The following CTNNA3 variants were observed in gnomAD, a reference collection of about 807,000 sequenced individuals.
CTNNA3 encodes the protein catenin alpha 3, also known as catenin alpha-3.
Under a neutral mutation model 95.7 loss-of-function variants are expected in CTNNA3, and 76 were observed. That is an observed-to-expected ratio of 0.79 (90% CI 0.66 to 0.96). The LOEUF (loss-of-function observed/expected upper bound fraction) is 0.96, where lower values mean the gene tolerates loss of function less well. CTNNA3 is among the 40% of genes least tolerant of loss of function. The pLI, the probability that CTNNA3 is intolerant of heterozygous loss-of-function variation, is 0.00. For missense variants in CTNNA3, 1,191 were observed against 1,089.8 expected (o/e 1.09, Z -1.31); for synonymous variants, 431 against 374.4 (o/e 1.15, Z -1.74).
intron 9 of CTNNA3, among the ~76,000 whole-genome samples, chr10:66,645,744 G>T (rs184310015): frequency 3.0e-4 from 45 of 152,202 alleles, no homozygotes; most frequent in African/African-American, 9.9e-4. Context: ...AGAAATCTAG[G>T]TTGCACGTCC....
At chr10:67,008,344 G>A (rs533348177) in intron 7 of CTNNA3, among the ~76,000 whole-genome samples, 22 of 151,684 alleles carry the variant, frequency 1.5e-4, no homozygotes, top group African/African-American at 2.2e-4. Context: ...TTTAATTTTC[G>A]TTCTGAATTT....
At chr10:66,416,318 A>G (rs2093145570) in intron 11 of CTNNA3, among the ~76,000 whole-genome samples, 1 of 152,084 alleles carries the variant, frequency 6.6e-6, no homozygotes, top group African/African-American at 2.4e-5. Flanking sequence ...GACAGAAAAA[A>G]AAGTGATAAA....
intron 12 of CTNNA3, among the ~76,000 whole-genome samples, chr10:66,360,619 C>CTTTCT (rs2092648696): frequency 3.1e-5 from 1 of 32,566 alleles, no homozygotes; most frequent in Non-Finnish European, 6.6e-5. Flanking sequence ...TTCTTTCTTT[C>CTTTCT]TTTCTTTCTT....
intron 13 of CTNNA3, among the ~76,000 whole-genome samples, chr10:66,123,808 G>A (rs190731313): frequency 8.9e-4 from 136 of 152,250 alleles, no homozygotes; most frequent in African/African-American, 3.2e-3. Context: ...GCCCAAGCTC[G>A]ACATTTGCCC....
intron 5 of CTNNA3, among the ~76,000 whole-genome samples, chr10:67,364,692 G>A (rs925515934): frequency 2.0e-5 from 3 of 152,058 alleles, no homozygotes; most frequent in African/African-American, 4.8e-5. Context: ...TCTTCAAGGA[G>A]AACTACAAAC....
At chr10:66,282,383 C>G (rs2091508649) in intron 12 of CTNNA3, among the ~76,000 whole-genome samples, 1 of 151,806 alleles carries the variant, frequency 6.6e-6, no homozygotes, top group East Asian at 1.9e-4. Flanking sequence ...ACATCTCAAA[C>G]ATATTCTATC....
At chr10:66,619,622 T>G (rs1221141382) in intron 10 of CTNNA3, among the ~76,000 whole-genome samples, 3 of 143,434 alleles carry the variant, frequency 2.1e-5, no homozygotes, top group South Asian at 2.4e-4. Context: ...AAATGACGAG[T>G]TAATGGGTGC....
At chr10:65,968,487 C>T (rs1199211283) in intron 16 of CTNNA3, among the ~76,000 whole-genome samples, 1 of 152,206 alleles carries the variant, frequency 6.6e-6, no homozygotes, top group Non-Finnish European at 1.5e-5. Context: ...CTCTTTGCTC[C>T]ATACCCAGGC....
chr10:67,741,151 G>T (rs1841335328), intron 1 of CTNNA3, among the ~76,000 whole-genome samples: 1 of 150,738 alleles, frequency 6.6e-6, no homozygotes, highest in Non-Finnish European at 1.5e-5. Flanking sequence ...ACACTCTGGG[G>T]ACTGTTGTGG....
chr10:65,966,898 T>C (rs2077979719), intron 16 of CTNNA3, 152 bp from the exon 17 acceptor site: 1 of 510,642 alleles, frequency 2.0e-6, no homozygotes, highest in African/African-American at 1.9e-5. Context: ...GCTTCTACCA[T>C]TTACAATAGT....
chr10:66,120,732 C>T (rs2082540546), intron 13 of CTNNA3, among the ~76,000 whole-genome samples: 1 of 152,130 alleles, frequency 6.6e-6, no homozygotes, highest in South Asian at 2.1e-4. Flanking sequence ...TAAGAAGTAA[C>T]TTTTAGAGAA....
rs144459171 is a variant in CTNNA3 at position 66,200,660 on chromosome 10, C to T, written c.1884+79810G>A. 3.1e-4 allele frequency among the ~76,000 whole-genome samples: 47 copies of T among 152,266 alleles called. 1 individual carries two copies. In the East Asian group the frequency reaches 5.0e-3, roughly 16 times the overall value. ...TGATGTAATTTCTAATTTATGACCA[C>T]GGGCAGTCCTTTTATATTTCTGTTC... On this transcript the variant is annotated intron_variant, in intron 13 of 17. Coordinates refer to ENST00000433211, the MANE Select transcript of CTNNA3 (RefSeq NM_013266.4).
At chr10:66,899,536 G>A (rs1480464169) in intron 7 of CTNNA3, among the ~76,000 whole-genome samples, 1 of 152,178 alleles carries the variant, frequency 6.6e-6, no homozygotes, top group East Asian at 1.9e-4. Context: ...GTGAGCCAAA[G>A]TAGGGCGGGG....
intron 7 of CTNNA3, among the ~76,000 whole-genome samples, chr10:66,996,673 C>CAAAAAAAAAAAAA (rs1851371155): frequency 2.9e-5 from 2 of 69,084 alleles, no homozygotes; most frequent in Non-Finnish European, 2.9e-5. Context: ...AAAAAAAAAG[C>CAAAAAAAAAAAAA]ATGTTTGTGT....
intron 1 of CTNNA3, among the ~76,000 whole-genome samples, chr10:67,758,074 G>A (rs532895541): frequency 2.6e-5 from 4 of 152,100 alleles, no homozygotes; most frequent in African/African-American, 7.2e-5. Flanking sequence ...CAGAGGAAGG[G>A]CAAATTTTTT....
chr10:66,848,450 T>C (rs7083846), intron 7 of CTNNA3, among the ~76,000 whole-genome samples: 84,487 of 151,928 alleles, frequency 0.56, 24,222 homozygotes, highest in African/African-American at 0.67. Flanking sequence ...TATGTTCACT[T>C]GTGAAAAATG....
intron 13 of CTNNA3, among the ~76,000 whole-genome samples, chr10:66,201,141 C>T (rs919150159): frequency 4.6e-5 from 7 of 152,202 alleles, no homozygotes; most frequent in Non-Finnish European, 8.8e-5. Flanking sequence ...ACTTTATCCA[C>T]ATAAATATCT....
intron 9 of CTNNA3, among the ~76,000 whole-genome samples, chr10:66,714,607 G>A (rs972925192): frequency 4.6e-5 from 7 of 151,808 alleles, no homozygotes; most frequent in Non-Finnish European, 8.8e-5. Context: ...CTGCTTTTTT[G>A]AGCAGTGCTT....
chr10:66,920,598 A>G (rs972478230), intron 7 of CTNNA3, among the ~76,000 whole-genome samples: 4 of 152,208 alleles, frequency 2.6e-5, no homozygotes, highest in Non-Finnish European at 4.4e-5. Flanking sequence ...CCTTTAAAAT[A>G]TTTAAAAATA....
Sources: gnomAD v4.1 joint callset for allele counts (sites outside exome capture counted in the v4.1 genomes callset) on GRCh38, gnomAD v4.1.1 for gene constraint, MANE v1.5 for transcripts, NCBI Gene and HGNC (gene_info 2026-07-23, HGNC 2026-07-21) for gene names.